The following GRIN2A variants were observed in gnomAD, a reference collection of about 807,000 sequenced individuals.
GRIN2A encodes glutamate ionotropic receptor NMDA type subunit 2A.
A neutral mutation model predicts 113.4 loss-of-function variants in GRIN2A; 22 were observed. The observed-to-expected ratio is 0.19, with a 90% CI of 0.14 to 0.28. The LOEUF (loss-of-function observed/expected upper bound fraction) is 0.28. Among genes scored for constraint, GRIN2A ranks in the 10% least tolerant of loss-of-function variants. GRIN2A has a pLI of 1.00. For missense variants in GRIN2A, 1,502 were observed against 1,887.0 expected, an observed-to-expected ratio of 0.80 and a Z score of 3.78; for synonymous variants, 827 against 738.4, an observed-to-expected ratio of 1.12 and a Z score of -1.94.
chr16:10,136,749 G>C (rs1070480), intron 2 of GRIN2A, among the ~76,000 whole-genome samples: 151,609 of 152,300 alleles, frequency 1, 75,463 homozygotes, highest in Middle Eastern at 1. Context: ...TACCATTTAT[G>C]GGGGAACTGA....
intron 2 of GRIN2A, among the ~76,000 whole-genome samples, chr16:10,010,625 C>G (rs916076150): frequency 1.3e-5 from 2 of 152,096 alleles, no homozygotes; most frequent in Admixed American, 6.5e-5. Context: ...AAATGCTTCC[C>G]ACCGTTATTA....
chr16:10,162,319 T>A (rs1330123753), intron 2 of GRIN2A, among the ~76,000 whole-genome samples: 1 of 152,198 alleles, frequency 6.6e-6, no homozygotes, highest in Non-Finnish European at 1.5e-5. Flanking sequence ...GAGGCTCAGT[T>A]ACAGAAGAGG....
intron 10 of GRIN2A, among the ~76,000 whole-genome samples, chr16:9,819,520 T>TG (rs1257656067): frequency 7.0e-6 from 1 of 143,426 alleles, no homozygotes; most frequent in African/African-American, 2.8e-5. Flanking sequence ...AGACCCTGTC[T>TG]GAAAAAAAAA....
chr16:9,809,078 T>C (rs1442364867), intron 10 of GRIN2A, among the ~76,000 whole-genome samples: 3 of 151,920 alleles, frequency 2.0e-5, no homozygotes, highest in Admixed American at 2.0e-4. Context: ...TAGAGTTTGA[T>C]AGCATTCCAC....
At chr16:9,893,618 C>A (rs2141490415) in intron 3 of GRIN2A, among the ~76,000 whole-genome samples, 1 of 152,232 alleles carries the variant, frequency 6.6e-6, no homozygotes, top group Non-Finnish European at 1.5e-5. Flanking sequence ...AGGTGCCCAC[C>A]ACTATGCCCA....
At chr16:9,856,552 G>A (rs2042971986) in intron 4 of GRIN2A, among the ~76,000 whole-genome samples, 1 of 150,486 alleles carries the variant, frequency 6.6e-6, no homozygotes, top group African/African-American at 2.5e-5. Flanking sequence ...ATGAACCCGG[G>A]AGGCCGAGCT....
chr16:9,905,942 T>G lies in GRIN2A; in HGVS notation c.1008-14842A>C, dbSNP rs115591155. Among the ~76,000 whole-genome samples, 546 of 152,314 alleles carry G rather than the reference T, an allele frequency of 3.6e-3. 2 individuals are homozygous for G. The highest frequency in any genetic ancestry group is 0.012 in the African/African-American group (519 of 41,570). On this transcript the variant is annotated intron_variant, in intron 3 of 12. Coordinates refer to ENST00000330684, the MANE Select transcript of GRIN2A (RefSeq NM_001134407.3). ...AAGATTAGTTGCTCAACTTATACTT[T>G]GATTTTTAAAAGGTCTAGTAAAGCC...
chr16:10,144,803 C>T (rs924318476), intron 2 of GRIN2A, among the ~76,000 whole-genome samples: 9 of 151,046 alleles, frequency 6.0e-5, no homozygotes, highest in Admixed American at 4.6e-4. Context: ...CCCCTGTAAT[C>T]CCAACTACTC....
At chr16:9,909,494 T>G (rs759119300) in intron 3 of GRIN2A, among the ~76,000 whole-genome samples, 1 of 152,236 alleles carries the variant, frequency 6.6e-6, no homozygotes, top group Non-Finnish European at 1.5e-5. Flanking sequence ...GAAATGTGGA[T>G]AGTGTGACTG....
In GRIN2A at chr16:10,090,439, T is replaced by C. The variant is rs116555007; in HGVS notation, c.414+89559A>G. Among the ~76,000 whole-genome samples, 1,474 of 152,300 alleles carry C rather than the reference T, an allele frequency of 9.7e-3. 27 individuals carry two copies. The highest frequency in any genetic ancestry group is 0.033 in the African/African-American group (1,389 of 41,566). On this transcript the variant is annotated intron_variant, in intron 2 of 12. Transcript: ENST00000330684. ...ACAGGATAATTTGATAGGAAAAAGA[T>C]AGTCTTTTCAACACATGATGCTGGG...
intron 3 of GRIN2A, among the ~76,000 whole-genome samples, chr16:9,917,431 C>A (rs1444654132): frequency 6.6e-6 from 1 of 152,202 alleles, no homozygotes; most frequent in Non-Finnish European, 1.5e-5. Context: ...CTGCTGTCCA[C>A]TAACAATGTG....
chr16:9,961,126 C>T (rs1317536065), intron 2 of GRIN2A, among the ~76,000 whole-genome samples: 3 of 152,202 alleles, frequency 2.0e-5, no homozygotes, highest in African/African-American at 4.8e-5. Context: ...AAGTACAGTA[C>T]TTATTCACGT....
At chr16:10,097,748 GA>G (rs1054725160) in intron 2 of GRIN2A, among the ~76,000 whole-genome samples, 1 of 152,160 alleles carries the variant, frequency 6.6e-6, no homozygotes, top group African/African-American at 2.4e-5. Flanking sequence ...ACATGTAGGA[GA>G]ACTAAAGTGG....
At chr16:9,845,397 G>A (rs1274900113) in intron 5 of GRIN2A, among the ~76,000 whole-genome samples, 2 of 152,082 alleles carry the variant, frequency 1.3e-5, no homozygotes, top group Non-Finnish European at 2.9e-5. Flanking sequence ...TGGAGCACAC[G>A]GGGCCTCAGT....
intron 2 of GRIN2A, among the ~76,000 whole-genome samples, chr16:9,988,192 A>G (rs1335487807): frequency 1.3e-5 from 2 of 152,122 alleles, no homozygotes; most frequent in Non-Finnish European, 2.9e-5. Context: ...GCAGGAATCA[A>G]GAGTGAAGAA....
At chr16:9,836,716 A>G (rs1298174623) in intron 7 of GRIN2A, among the ~76,000 whole-genome samples, 1 of 152,244 alleles carries the variant, frequency 6.6e-6, no homozygotes, top group Non-Finnish European at 1.5e-5. Context: ...ACGTGAATGC[A>G]CACACATGCT....
chr16:9,792,543 G>C (rs931863568), intron 11 of GRIN2A, among the ~76,000 whole-genome samples: 2 of 152,064 alleles, frequency 1.3e-5, no homozygotes, highest in Admixed American at 1.3e-4. Context: ...ATCAATGCGA[G>C]AGATATGTGT....
At chr16:10,079,591 C>A (rs1207321932) in intron 2 of GRIN2A, among the ~76,000 whole-genome samples, 7 of 152,176 alleles carry the variant, frequency 4.6e-5, no homozygotes, top group Non-Finnish European at 7.3e-5. Context: ...CCAGAGAGAT[C>A]AACGGCCCCT....
chr16:9,979,802 T>TATATAC (rs1405734892), intron 2 of GRIN2A, among the ~76,000 whole-genome samples: 1 of 145,632 alleles, frequency 6.9e-6, no homozygotes, highest in Non-Finnish European at 1.5e-5. Flanking sequence ...TATATATATA[T>TATATAC]ATATATATAT....
Sources: allele counts gnomAD v4.1 joint callset (sites outside exome capture counted in the v4.1 genomes callset), GRCh38; gene constraint gnomAD v4.1.1; transcripts MANE v1.5; gene names NCBI Gene and HGNC (gene_info 2026-07-23, HGNC 2026-07-21).